ANKRD28: variants seen among roughly 807,000 people sequenced by gnomAD.
ANKRD28 encodes ankyrin repeat domain 28, also known as serine/threonine-protein phosphatase 6 regulatory ankyrin repeat subunit A.
ANKRD28 carries 44 observed loss-of-function variants against 126.5 expected under a neutral mutation model. The ratio of observed to expected loss-of-function variants is 0.35; its 90% CI spans 0.27 to 0.45. The LOEUF is 0.45. Ranked by LOEUF, ANKRD28 falls within the 20% of genes least tolerant of loss-of-function variation. The pLI, the probability that ANKRD28 is intolerant of heterozygous loss-of-function variation, is 1.00. For missense variants in ANKRD28, 1,110 were observed against 1,316.6 expected, an observed-to-expected ratio of 0.84 and a Z score of 2.43; for synonymous variants, 442 against 468.5, an observed-to-expected ratio of 0.94 and a Z score of 0.73.
intron 6 of ANKRD28, among the ~76,000 whole-genome samples, chr3:15,728,676 T>G (rs935427794): frequency 2.0e-5 from 3 of 152,190 alleles, no homozygotes; most frequent in Non-Finnish European, 4.4e-5. Context: ...TTGTGGTAGT[T>G]TAGCACCAAA....
At chr3:15,859,330 C>T (rs1288447648) in intron 1 of ANKRD28, 13 of 1,517,924 alleles carry the variant, frequency 8.6e-6, no homozygotes, top group Non-Finnish European at 1.1e-5. Context: ...GCCCTGCTTC[C>T]CTTCCTTCCC....
chr3:15,684,715 TA>T (rs1334231457), intron 21 of ANKRD28: 700 of 129,900 alleles, frequency 5.4e-3, no homozygotes, highest in Admixed American at 7.9e-3. Flanking sequence ...GTGGGACTCT[TA>T]AAAAAAAAAA....
intron 2 of ANKRD28, among the ~76,000 whole-genome samples, chr3:15,786,423 A>G (rs2059781691): frequency 6.6e-6 from 1 of 152,092 alleles, no homozygotes; most frequent in South Asian, 2.1e-4. Flanking sequence ...ATAACACTCT[A>G]GGAAAAAACA....
At chr3:15,750,191 T>TA (rs1358002762) in intron 4 of ANKRD28, among the ~76,000 whole-genome samples, 1 of 152,226 alleles carries the variant, frequency 6.6e-6, no homozygotes, top group Non-Finnish European at 1.5e-5. Flanking sequence ...CTTAATCTGG[T>TA]AAAAATCCAT....
chr3:15,708,681 G>T (rs2071804665), intron 13 of ANKRD28, among the ~76,000 whole-genome samples: 1 of 152,026 alleles, frequency 6.6e-6, no homozygotes, highest in Non-Finnish European at 1.5e-5. Context: ...AAGCCAAAGT[G>T]ATTTTTTTAT....
At chr3:15,766,572 A>G (rs2058748765) in intron 2 of ANKRD28, among the ~76,000 whole-genome samples, 2 of 152,122 alleles carry the variant, frequency 1.3e-5, no homozygotes, top group South Asian at 4.1e-4. Context: ...ATATAGTTCC[A>G]GCTAGGAGAA....
intron 1 of ANKRD28, among the ~76,000 whole-genome samples, chr3:15,822,483 G>A (rs2060964894): frequency 6.6e-6 from 1 of 152,104 alleles, no homozygotes; most frequent in Non-Finnish European, 1.5e-5. Flanking sequence ...CCAGGGAGGG[G>A]GAAACATTGG....
chr3:15,855,141 T>G (rs2061736491), intron 1 of ANKRD28, among the ~76,000 whole-genome samples: 2 of 152,204 alleles, frequency 1.3e-5, no homozygotes, highest in African/African-American at 2.4e-5. Context: ...TTCAAGTATT[T>G]CATGCATTCT....
intron 1 of ANKRD28, among the ~76,000 whole-genome samples, chr3:15,847,113 A>C (rs2061547609): frequency 6.6e-6 from 1 of 152,180 alleles, no homozygotes; most frequent in Non-Finnish European, 1.5e-5. Context: ...ATCCCAAAGA[A>C]TATGTATTTA....
chr3:15,796,757 C>T lies in ANKRD28; in HGVS notation c.-236G>A, dbSNP rs1250451638. On this transcript the variant is annotated 5_prime_UTR_variant, in exon 1 of 28. Transcript: ENST00000683139. ...AAATTCTATTATTTCTGTTGGATTACTGCAATACTTAAGAAGAAATTTCAC... is the reference window on the plus strand; with the variant it reads ...AAATTCTATTATTTCTGTTGGATTATTGCAATACTTAAGAAGAAATTTCAC... The T allele has an allele frequency of 1.6e-5, 16 of 987,082 alleles. No homozygotes were observed. Among genetic ancestry groups the T allele is most frequent in the Non-Finnish European group, 1.8e-5 (15 of 830,366 alleles). 61.1% of individuals were successfully genotyped at this position (987,082 alleles called of 1,614,324 possible). A position where few individuals can be genotyped will look rare whatever the true frequency, so the allele number is the denominator to read the frequency against.
intron 8 of ANKRD28, among the ~76,000 whole-genome samples, chr3:15,720,375 G>C (rs1325430610): frequency 6.6e-6 from 1 of 151,940 alleles, no homozygotes; most frequent in East Asian, 1.9e-4. Flanking sequence ...TTTTATTGTA[G>C]ATTCATCTAT....
chr3:15,707,634 G>GA (rs1325095969), intron 14 of ANKRD28, among the ~76,000 whole-genome samples: 2 of 152,066 alleles, frequency 1.3e-5, no homozygotes, highest in Non-Finnish European at 2.9e-5. Flanking sequence ...AAGTCAGGTG[G>GA]AAAAAAACAT....
At chr3:15,691,650 A>G (rs2068819955) in intron 17 of ANKRD28, among the ~76,000 whole-genome samples, 1 of 152,204 alleles carries the variant, frequency 6.6e-6, no homozygotes, top group South Asian at 2.1e-4. Context: ...CTTTATAATG[A>G]ATCTGTGTAG....
At chr3:15,670,687 C>A in intron 27 of ANKRD28, 131 bp from the exon 28 acceptor site, 1 of 966,412 alleles carries the variant, frequency 1.0e-6, no homozygotes, top group South Asian at 1.8e-5. Context: ...ATTGCTGTAA[C>A]CAGCATGATT....
intron 1 of ANKRD28, among the ~76,000 whole-genome samples, chr3:15,851,015 T>C (rs1194304837): frequency 6.6e-6 from 1 of 152,154 alleles, no homozygotes; most frequent in Non-Finnish European, 1.5e-5. Flanking sequence ...CACTGGAGAA[T>C]TTGCTGAAGA....
At chr3:15,705,384 T>C (rs943695836) in intron 14 of ANKRD28, among the ~76,000 whole-genome samples, 2 of 152,162 alleles carry the variant, frequency 1.3e-5, no homozygotes, top group Admixed American at 6.5e-5. Context: ...AGGATCAAAG[T>C]GTAATCTTTT....
intron 6 of ANKRD28, among the ~76,000 whole-genome samples, chr3:15,726,035 T>G (rs2074136767): frequency 6.6e-6 from 1 of 152,034 alleles, no homozygotes; most frequent in Admixed American, 6.6e-5. Context: ...AGAGTGAAAC[T>G]CTGTCTCCAA....
chr3:15,693,447 T>G (rs1395148720), intron 17 of ANKRD28, among the ~76,000 whole-genome samples: 1 of 151,982 alleles, frequency 6.6e-6, no homozygotes, highest in African/African-American at 2.4e-5. Context: ...AAATGAGAAT[T>G]TCTAAGGAAA....
chr3:15,705,889 C>G (rs541136089), intron 14 of ANKRD28, among the ~76,000 whole-genome samples: 2 of 152,250 alleles, frequency 1.3e-5, no homozygotes, highest in Admixed American at 1.3e-4. Flanking sequence ...GTCCCAGCTA[C>G]TCAGGAGGCT....
Sources: gnomAD v4.1 joint callset for allele counts (sites outside exome capture counted in the v4.1 genomes callset) on GRCh38, gnomAD v4.1.1 for gene constraint, MANE v1.5 for transcripts, NCBI Gene and HGNC (gene_info 2026-07-23, HGNC 2026-07-21) for gene names.